Variants in HOXC11 observed in about 807,000 individuals in gnomAD.
The protein encoded by HOXC11 is homeobox C11, also known as homeobox protein Hox-C11.
In HOXC11, 17 loss-of-function variants were observed where a neutral mutation model predicts 23.6. That is an observed-to-expected ratio of 0.72 (90% CI 0.49 to 1.08). HOXC11 has a LOEUF of 1.08. HOXC11 is among the 50% of genes least tolerant of loss of function. HOXC11 has a pLI of 0.00. For synonymous variants in HOXC11, 196 were observed against 183.8 expected, an observed-to-expected ratio of 1.07 and a Z score of -0.54; for missense variants, 413 against 412.1, an observed-to-expected ratio of 1.00 and a Z score of -0.02.
Position 53,973,252 on chromosome 12 carries a change from C to G in HOXC11, c.11C>G (p.Ser4Trp). The G allele has an allele frequency of 6.3e-7, 1 of 1,599,738 alleles. No individual in the cohort carries two copies. The highest frequency in any genetic ancestry group is 8.5e-7 in the Non-Finnish European group (1 of 1,174,312). The change falls in exon 1 of 2, where the codon TCG becomes TGG. Residue 4 changes from serine to tryptophan, a missense_variant. By Grantham distance (177) the Ser-to-Trp change is radical. Transcript: ENST00000546378. This position sits in a 1 kb window ranked among gnomAD's most constrained non-coding sequence, Gnocchi z 4.3. Reference sequence around the variant, plus strand: ...CAGGAGAGGAGAACGATGTTTAACTCGGTCAACCTGGGCAACTTCTGCTCT... The same window carrying G: ...CAGGAGAGGAGAACGATGTTTAACTGGGTCAACCTGGGCAACTTCTGCTCT... MFN[S>W]VNLGNFCSPS...
intron 1 of HOXC11, among the ~76,000 whole-genome samples, chr12:53,974,344 G>A (rs994126152): frequency 2.6e-5 from 4 of 151,854 alleles, no homozygotes; most frequent in Admixed American, 1.3e-4. Context: ...GAAAGGGGAG[G>A]GCGAGGGAAA....
At position 53,975,434 on chromosome 12, in the gene HOXC11, GGGGGC is replaced by G. The variant is rs768973483; in HGVS notation, c.*26_*30del. Reference sequence around the variant, plus strand: ...TGTAACCTGCAGACCGGGCCCTTTTGGGGGCGGGGGGAGGGGAAAATTATTTTATT... The same window carrying G: ...TGTAACCTGCAGACCGGGCCCTTTTGGGGGGGAGGGGAAAATTATTTTATT... On this transcript the variant is annotated 3_prime_UTR_variant, in exon 2 of 2. Transcript: ENST00000546378. 2 of 1,120,064 alleles carry G rather than the reference GGGGGC, an allele frequency of 1.8e-6. No homozygotes were observed. The highest frequency in any genetic ancestry group is 2.5e-5 in the South Asian group (2 of 79,002). The allele number at this position is 1,120,064 out of a possible 1,614,324, so 69.4% of individuals were successfully genotyped here.
Position 53,973,940 on chromosome 12 carries a change from G to A in HOXC11, c.682+17G>A, listed in dbSNP as rs1201188493. 9.7e-6 allele frequency: 14 copies of A among 1,436,232 alleles called. No homozygotes were observed. Among genetic ancestry groups the A allele is most frequent in the Non-Finnish European group, 1.2e-5 (13 of 1,093,194 alleles). 89.0% of individuals were successfully genotyped at this position (1,436,232 alleles called of 1,614,324 possible). A position where few individuals can be genotyped will look rare whatever the true frequency, so the allele number is the denominator to read the frequency against. ...CCGCCCCCAGTAGGTAGCAGCGGCC[G>A]GGGAACGGGCGGGCAGCGAGGGAGG... On this transcript the variant is annotated intron_variant, in intron 1 of 1. Transcript: ENST00000546378. The surrounding 1 kb of genome is among the most constrained non-coding windows in gnomAD (Gnocchi z 4.3).
chr12:53,977,073 T>TC lies in HOXC11; in HGVS notation c.*1660_*1661insC, dbSNP rs1565715965. The TC allele has an allele frequency of 6.6e-6, 1 of 152,206 alleles. No individual in the cohort carries two copies. Among genetic ancestry groups the TC allele is most frequent in the African/African-American group, 2.4e-5 (1 of 41,456 alleles). The allele number at this position is 152,206 out of a possible 1,614,324, so 9.4% of individuals were successfully genotyped here. ...CTGGGGCCACCCTGATGTTTATACA[T>TC]TGGGTGTCCCACAGTAGAAAGCCCC... On this transcript the variant is annotated 3_prime_UTR_variant, in exon 2 of 2. Transcript: ENST00000546378.
At position 53,977,543 on chromosome 12, in the gene HOXC11, G is replaced by A. The variant is rs1169376352; in HGVS notation, c.*2130G>A. On this transcript the variant is annotated 3_prime_UTR_variant, in exon 2 of 2. Coordinates refer to ENST00000546378, the MANE Select transcript of HOXC11 (RefSeq NM_014212.4). ...TTCCCTCATGTGCCCACACACAAAC[G>A]TTTTATTTAACTCGGTGTGCCTATG... 8 of 152,146 alleles carry A rather than the reference G, an allele frequency of 5.3e-5. No homozygotes were observed. The highest frequency in any genetic ancestry group is 1.9e-4 in the African/African-American group (8 of 41,418). The allele number at this position is 152,146 out of a possible 1,614,324, so 9.4% of individuals were successfully genotyped here.
In HOXC11 at chr12:53,975,485, C is replaced by A; in HGVS notation, c.*72C>A. ...TTATTTTATTTTTATTTTTTATTTT[C>A]TAACTCGTCTTCTTTCCGCCGGTGG... On this transcript the variant is annotated 3_prime_UTR_variant, in exon 2 of 2. Transcript: ENST00000546378. 1.9e-6 allele frequency: 2 copies of A among 1,048,990 alleles called. No individual in the cohort carries two copies. 65.0% of individuals were successfully genotyped at this position (1,048,990 alleles called of 1,614,324 possible).
Position 53,973,923 on chromosome 12 carries a change from A to G in HOXC11, c.682A>G (p.Asn228Asp). ...GGAGCCGGCCAAAGGAGCCGCCCCC[A>G]GTAGGTAGCAGCGGCCGGGGAACGG... ...AKEPAKGAAP[N>D]APRTRKKRCP... Residue 228 changes from asparagine to aspartate, a missense_variant and splice_region_variant, in exon 1 of 2, where the codon AAC (asparagine) becomes GAC (aspartate). Physicochemically the swap from Asn to Asp is conservative, Grantham distance 23. Transcript: ENST00000546378. This position sits in a 1 kb window ranked among gnomAD's most constrained non-coding sequence, Gnocchi z 4.3. 1 of 1,436,186 alleles carries G rather than the reference A, an allele frequency of 7.0e-7. No homozygotes were observed. Among genetic ancestry groups the G allele is most frequent in the Non-Finnish European group, 9.2e-7 (1 of 1,092,502 alleles). The allele number at this position is 1,436,186 out of a possible 1,614,324, so 89.0% of individuals were successfully genotyped here.
Position 53,975,246 on chromosome 12 carries a change from G to A in HOXC11, c.748G>A (p.Glu250Lys). Reference sequence around the variant, plus strand: ...ATTCCAGATCCGGGAACTGGAGCGAGAGTTTTTCTTCAACGTGTATATCAA... The same window carrying A: ...ATTCCAGATCCGGGAACTGGAGCGAAAGTTTTTCTTCAACGTGTATATCAA... ...SKFQIRELER[E>K]FFFNVYINKE... Residue 250 changes from glutamate (E) to lysine (K), a missense_variant, in exon 2 of 2, where the codon GAG (glutamate) becomes AAG (lysine). Glu to Lys is a moderately conservative substitution (Grantham distance 56). Transcript: ENST00000546378. The A allele has an allele frequency of 6.2e-7, 1 of 1,613,134 alleles. No individual in the cohort carries two copies. The highest frequency in any genetic ancestry group is 8.5e-7 in the Non-Finnish European group (1 of 1,179,982).
In HOXC11 at chr12:53,975,174, C is replaced by T. The variant is rs549365968; in HGVS notation, c.683-7C>T. ...CTCCTCGCACTTGCCCCCTCCCCTC[C>T]CTCCAGACGCCCCCCGCACCCGCAA... On this transcript the variant is annotated splice_region_variant and splice_polypyrimidine_tract_variant and intron_variant, in intron 1 of 1. Transcript: ENST00000546378. 9.6e-6 allele frequency: 15 copies of T among 1,558,434 alleles called. No individual in the cohort carries two copies. In the South Asian group the frequency reaches 1.0e-4, roughly 11 times the overall value.
Position 53,973,948 on chromosome 12 carries a change from G to C in HOXC11, c.682+25G>C, listed in dbSNP as rs1939200201. On this transcript the variant is annotated intron_variant, in intron 1 of 1. Transcript: ENST00000546378. This position sits in a 1 kb window ranked among gnomAD's most constrained non-coding sequence, Gnocchi z 4.3. ...AGTAGGTAGCAGCGGCCGGGGAACG[G>C]GCGGGCAGCGAGGGAGGGAGCGAGA... 7.0e-7 allele frequency: 1 copy of C among 1,434,860 alleles called. No homozygotes were observed. The highest frequency in any genetic ancestry group is 9.1e-7 in the Non-Finnish European group (1 of 1,092,922). 88.9% of individuals were successfully genotyped at this position (1,434,860 alleles called of 1,614,324 possible). A position where few individuals can be genotyped will look rare whatever the true frequency, so the allele number is the denominator to read the frequency against.
rs1222020729 is a variant in HOXC11 at position 53,973,553 on chromosome 12, C to T, written c.312C>T (p.Cys104=). 1 of 1,613,096 alleles carries T rather than the reference C, an allele frequency of 6.2e-7. No homozygotes were observed. The highest frequency in any genetic ancestry group is 1.7e-5 in the Admixed American group (1 of 60,030). Residue 104 remains cysteine, a synonymous_variant, in exon 1 of 2, where the codon TGC becomes TGT. Coordinates refer to ENST00000546378, the MANE Select transcript of HOXC11 (RefSeq NM_014212.4). The surrounding 1 kb of genome is among the most constrained non-coding windows in gnomAD (Gnocchi z 4.3). ...AAADELMHRE[C]LPPSTVTEIL... ...CCGACGAGCTTATGCACCGGGAGTG[C>T]CTGCCTCCTTCCACCGTCACCGAGA...
In HOXC11 at chr12:53,976,894, T is replaced by C. The variant is rs2136378595; in HGVS notation, c.*1481T>C. ...TCTAGGAGAAATCTGTATTGGAATTTTTATACACTGTTTTTAAGGAAGGAG... is the reference window on the plus strand; with the variant it reads ...TCTAGGAGAAATCTGTATTGGAATTCTTATACACTGTTTTTAAGGAAGGAG... On this transcript the variant is annotated 3_prime_UTR_variant, in exon 2 of 2. Transcript: ENST00000546378. 6.6e-6 allele frequency: 1 copy of C among 152,088 alleles called. No individual in the cohort carries two copies. The highest frequency in any genetic ancestry group is 6.5e-5 in the Admixed American group (1 of 15,278). 9.4% of individuals were successfully genotyped at this position (152,088 alleles called of 1,614,324 possible). A position where few individuals can be genotyped will look rare whatever the true frequency, so the allele number is the denominator to read the frequency against.
At position 53,973,184 on chromosome 12, in the gene HOXC11, C is replaced by A; in HGVS notation, c.-58C>A. 7.2e-7 allele frequency: 1 copy of A among 1,391,294 alleles called. No homozygotes were observed. Among genetic ancestry groups the A allele is most frequent in the Non-Finnish European group, 9.7e-7 (1 of 1,032,366 alleles). 86.2% of individuals were successfully genotyped at this position (1,391,294 alleles called of 1,614,324 possible). A position where few individuals can be genotyped will look rare whatever the true frequency, so the allele number is the denominator to read the frequency against. Reference sequence around the variant, plus strand: ...GCGTCATCTCGCCTTCCCAAATTTTCCCCCCTCGCTAGACCGGGTCCAAAA... The same window carrying A: ...GCGTCATCTCGCCTTCCCAAATTTTACCCCCTCGCTAGACCGGGTCCAAAA... On this transcript the variant is annotated 5_prime_UTR_variant, in exon 1 of 2. Transcript: ENST00000546378. The surrounding 1 kb of genome is among the most constrained non-coding windows in gnomAD (Gnocchi z 4.3).
At position 53,973,310 on chromosome 12, in the gene HOXC11, C is replaced by T. The variant is rs1272910583; in HGVS notation, c.69C>T (p.Gly23=). The T allele has an allele frequency of 6.2e-7, 1 of 1,614,014 alleles. No individual in the cohort carries two copies. The highest frequency in any genetic ancestry group is 1.1e-5 in the South Asian group (1 of 91,082). The stretch of plus-strand genomic sequence containing the variant: ...GCAAGGAGAGGGGCGCAGATTTCGG[C>T]GAGCGAGGGAGCTGCGCCTCCAACC... ...PSRKERGADF[G]ERGSCASNLY... The change falls in exon 1 of 2, where the codon GGC becomes GGT. Residue 23 remains glycine, a synonymous_variant. Transcript: ENST00000546378. The surrounding 1 kb of genome is among the most constrained non-coding windows in gnomAD (Gnocchi z 4.3).
At position 53,975,442 on chromosome 12, in the gene HOXC11, G is replaced by T. The variant is rs1233144563; in HGVS notation, c.*29G>T. On this transcript the variant is annotated 3_prime_UTR_variant, in exon 2 of 2. Coordinates refer to ENST00000546378, the MANE Select transcript of HOXC11 (RefSeq NM_014212.4). ...GCAGACCGGGCCCTTTTGGGGGCGG[G>T]GGGAGGGGAAAATTATTTTATTTTA... 2.6e-6 allele frequency: 2 copies of T among 761,532 alleles called. No individual in the cohort carries two copies. Among genetic ancestry groups the T allele is most frequent in the South Asian group, 1.4e-5 (1 of 71,836 alleles). The allele number at this position is 761,532 out of a possible 1,614,324, so 47.2% of individuals were successfully genotyped here. A position where few individuals can be genotyped will look rare whatever the true frequency, so the allele number is the denominator to read the frequency against.
chr12:53,974,760 G>A (rs760234533), intron 1 of HOXC11: 11 of 158,554 alleles, frequency 6.9e-5, no homozygotes, highest in Admixed American at 3.2e-4. Context: ...AGATTTCACT[G>A]CTTCGCGCCT....
rs779151132 is a variant in HOXC11, at chr12:53,975,449, G to A, written c.*36G>A. 1.1e-4 allele frequency: 62 copies of A among 590,302 alleles called. 3 individuals are homozygous for A. Among genetic ancestry groups the A allele is most frequent in the South Asian group, 9.2e-4 (62 of 67,682 alleles). 36.6% of individuals were successfully genotyped at this position (590,302 alleles called of 1,614,324 possible). On this transcript the variant is annotated 3_prime_UTR_variant, in exon 2 of 2. Transcript: ENST00000546378. Reference sequence around the variant, plus strand: ...GGGCCCTTTTGGGGGCGGGGGGAGGGGAAAATTATTTTATTTTATTTTTAT... The same window carrying A: ...GGGCCCTTTTGGGGGCGGGGGGAGGAGAAAATTATTTTATTTTATTTTTAT...
Position 53,974,019 on chromosome 12 carries a change from C to G in HOXC11, c.682+96C>G. 3 of 1,109,202 alleles carry G rather than the reference C, an allele frequency of 2.7e-6. No homozygotes were observed. The South Asian group carries it at 5.3e-5, about 19-fold the overall frequency. The allele number at this position is 1,109,202 out of a possible 1,614,324, so 68.7% of individuals were successfully genotyped here. A position where few individuals can be genotyped will look rare whatever the true frequency, so the allele number is the denominator to read the frequency against. On this transcript the variant is annotated intron_variant, in intron 1 of 1. Transcript: ENST00000546378. ...GGGAGGCAAGGGGAGCGGGGACGGC[C>G]TCGTGTTTTGGGTCAGTCCGATTTT... is the stretch of plus-strand genomic sequence containing the variant.
rs766013803 is a variant in HOXC11, at chr12:53,975,467, ATTTTTAT to A, written c.*65_*71del. The A allele has an allele frequency of 1.3e-5, 15 of 1,113,562 alleles. No homozygotes were observed. In the African/African-American group the frequency reaches 2.0e-4, roughly 15 times the overall value. The allele number at this position is 1,113,562 out of a possible 1,614,324, so 69.0% of individuals were successfully genotyped here. The stretch of plus-strand genomic sequence containing the variant: ...GGGGAGGGGAAAATTATTTTATTTT[ATTTTTAT>A]TTTTTATTTTCTAACTCGTCTTCTT... On this transcript the variant is annotated 3_prime_UTR_variant, in exon 2 of 2. Transcript: ENST00000546378.
Sources: gnomAD v4.1 joint callset for allele counts (sites outside exome capture counted in the v4.1 genomes callset) on GRCh38, gnomAD v4.1.1 for gene constraint, Gnocchi (gnomAD v3.1) non-coding constraint, MANE v1.5 for transcripts, NCBI Gene and HGNC (gene_info 2026-07-23, HGNC 2026-07-21) for gene names.